BUB1B: variants seen among roughly 807,000 people sequenced by gnomAD.
The protein encoded by BUB1B is BUB1 mitotic checkpoint serine/threonine kinase B.
BUB1B carries 86 observed loss-of-function variants against 137.7 expected under a neutral mutation model. The ratio of observed to expected loss-of-function variants is 0.62; its 90% CI spans 0.52 to 0.75. BUB1B has a LOEUF of 0.75. Among genes scored for constraint, BUB1B ranks in the 30% least tolerant of loss-of-function variants. The probability of loss-of-function intolerance (pLI) is 0.00; values close to 1 mark genes in which losing one functional copy is unlikely to be tolerated. For synonymous variants in BUB1B, 420 were observed against 417.9 expected (o/e 1.00, Z -0.06); for missense variants, 1,130 against 1,236.9 (o/e 0.91, Z 1.30).
chr15:40,220,810 G>T lies in BUB1B; in HGVS notation c.*51G>T. Reference sequence around the variant, plus strand: ...GCTGCCTCAGAGCAATGGTTGTATTGTGGAACACTGAAACTGTATGTGCTG... The same window carrying T: ...GCTGCCTCAGAGCAATGGTTGTATTTTGGAACACTGAAACTGTATGTGCTG... On this transcript the variant is annotated 3_prime_UTR_variant, in exon 23 of 23. Coordinates refer to ENST00000287598, the MANE Select transcript of BUB1B (RefSeq NM_001211.6). 1 of 1,550,306 alleles carries T rather than the reference G, an allele frequency of 6.5e-7. No individual in the cohort carries two copies. The highest frequency in any genetic ancestry group is 8.9e-7 in the Non-Finnish European group (1 of 1,122,224).
At chr15:40,190,134 A>G (rs1321539007) in intron 8 of BUB1B, among the ~76,000 whole-genome samples, 1 of 152,170 alleles carries the variant, frequency 6.6e-6, no homozygotes, top group East Asian at 1.9e-4. Flanking sequence ...CAAACCATTT[A>G]TATACTATGT....
At chr15:40,216,715 G>A (rs2037797272) in intron 20 of BUB1B, among the ~76,000 whole-genome samples, 1 of 151,328 alleles carries the variant, frequency 6.6e-6, no homozygotes, top group African/African-American at 2.4e-5. Context: ...AATTGGAGTA[G>A]TTAAAGACTG....
At chr15:40,173,936 GA>G in intron 4 of BUB1B, 1 of 434,192 alleles carries the variant, frequency 2.3e-6, no homozygotes, top group Non-Finnish European at 4.6e-6. Context: ...TCTAGCTAAG[GA>G]AAAAATTGTT....
At position 40,170,080 on chromosome 15, in the gene BUB1B, T is replaced by A. The variant is rs2037144181; in HGVS notation, c.198T>A (p.Ile66=). 1 of 1,613,986 alleles carries A rather than the reference T, an allele frequency of 6.2e-7. No homozygotes were observed. Among genetic ancestry groups the A allele is most frequent in the African/African-American group, 1.3e-5 (1 of 75,042 alleles). Residue 66 remains isoleucine (I), a synonymous_variant, in exon 3 of 23, where the codon ATT becomes ATA. Transcript: ENST00000287598. Reference sequence around the variant, plus strand: ...ATTTCAGGGCATTTGAATATGAAATTCGATTTTACACTGGAAATGACCCTC... The same window carrying A: ...ATTTCAGGGCATTTGAATATGAAATACGATTTTACACTGGAAATGACCCTC... ...QQQKRAFEYE[I]RFYTGNDPLD...
At chr15:40,220,149 C>T (rs948790558) in intron 22 of BUB1B, among the ~76,000 whole-genome samples, 1 of 152,144 alleles carries the variant, frequency 6.6e-6, no homozygotes, top group African/African-American at 2.4e-5. Context: ...TTAGTTTAGT[C>T]AAGCTTACGA....
chr15:40,162,327 T>G (rs1469646253), intron 1 of BUB1B, among the ~76,000 whole-genome samples: 3 of 152,202 alleles, frequency 2.0e-5, no homozygotes, highest in Non-Finnish European at 2.9e-5. Flanking sequence ...ATGGTGAAGA[T>G]GCAGATTGTA....
chr15:40,161,085 C>A lies in BUB1B; in HGVS notation c.-136C>A. The stretch of plus-strand genomic sequence containing the variant: ...GCTAGGGGTGTGGGCTTGAGGTGGC[C>A]GGTTTGTTAGGGAGTCGTGTACGTG... On this transcript the variant is annotated 5_prime_UTR_variant, in exon 1 of 23. Transcript: ENST00000287598. The A allele has an allele frequency of 3.4e-6, 4 of 1,193,356 alleles. No homozygotes were observed. Among genetic ancestry groups the A allele is most frequent in the Non-Finnish European group, 2.3e-6 (2 of 853,040 alleles). The allele number at this position is 1,193,356 out of a possible 1,614,324, so 73.9% of individuals were successfully genotyped here.
At chr15:40,165,721 T>C (rs942905056) in intron 2 of BUB1B, among the ~76,000 whole-genome samples, 4 of 152,056 alleles carry the variant, frequency 2.6e-5, no homozygotes, top group Non-Finnish European at 5.9e-5. Flanking sequence ...AATATGCTTT[T>C]TAAAAAAAAA....
At chr15:40,211,170 G>C (rs2037706001) in intron 18 of BUB1B, among the ~76,000 whole-genome samples, 1 of 151,670 alleles carries the variant, frequency 6.6e-6, no homozygotes. Context: ...TATATTATCA[G>C]CTTAATATTT....
At chr15:40,201,080 C>T (rs984991325) in intron 12 of BUB1B, 100 bp downstream of exon 12, 1 of 1,105,602 alleles carries the variant, frequency 9.0e-7, no homozygotes, top group Non-Finnish European at 1.4e-6. Flanking sequence ...GATTGAAAGA[C>T]AGGGGGACTA....
At chr15:40,209,827 T>A (rs1310666086) in intron 17 of BUB1B, 52 bp downstream of exon 17, 1 of 1,585,096 alleles carries the variant, frequency 6.3e-7, no homozygotes, top group Admixed American at 1.7e-5. Flanking sequence ...TACAAATAAG[T>A]GATTATTTGT....
chr15:40,167,324 T>C (rs2037111484), intron 2 of BUB1B, among the ~76,000 whole-genome samples: 1 of 151,066 alleles, frequency 6.6e-6, no homozygotes, highest in Non-Finnish European at 1.5e-5. Context: ...ATGTTTTCTT[T>C]TACTAGCTTC....
chr15:40,207,449 A>G (rs1229352149), intron 15 of BUB1B, among the ~76,000 whole-genome samples: 1 of 151,978 alleles, frequency 6.6e-6, no homozygotes, highest in Non-Finnish European at 1.5e-5. Context: ...CTTTTTTTTG[A>G]AACTTTTTCC....
chr15:40,206,769 T>C (rs1181916294), intron 15 of BUB1B, among the ~76,000 whole-genome samples: 2 of 152,146 alleles, frequency 1.3e-5, no homozygotes, highest in Admixed American at 1.3e-4. Context: ...TTCTTTAATA[T>C]TGAGTTTAAA....
chr15:40,180,537 A>T (rs2037276480), intron 5 of BUB1B, among the ~76,000 whole-genome samples: 1 of 150,326 alleles, frequency 6.7e-6, no homozygotes, highest in Non-Finnish European at 1.5e-5. Context: ...AAGTGCTGGG[A>T]TTACAGGCAT....
At chr15:40,211,669 C>T (rs1204330449) in intron 18 of BUB1B, among the ~76,000 whole-genome samples, 1 of 152,104 alleles carries the variant, frequency 6.6e-6, no homozygotes, top group Non-Finnish European at 1.5e-5. Context: ...TTTCTACCCC[C>T]CTCAGTGGTG....
At chr15:40,209,158 G>A (rs910179968) in intron 16 of BUB1B, among the ~76,000 whole-genome samples, 1 of 152,104 alleles carries the variant, frequency 6.6e-6, no homozygotes, top group African/African-American at 2.4e-5. Flanking sequence ...GGTGGCTCAC[G>A]CCTGTAATCC....
chr15:40,211,775 G>C (rs2037714992), intron 18 of BUB1B, among the ~76,000 whole-genome samples: 1 of 151,800 alleles, frequency 6.6e-6, no homozygotes, highest in African/African-American at 2.4e-5. Flanking sequence ...TGCTGGGCTG[G>C]GCTATGGGAG....
At chr15:40,205,692 G>T (rs1009230032) in intron 14 of BUB1B, among the ~76,000 whole-genome samples, 4 of 152,140 alleles carry the variant, frequency 2.6e-5, no homozygotes, top group African/African-American at 9.7e-5. Context: ...CAAAAAGTAT[G>T]AGAAAGAGCA....
Sources: allele counts gnomAD v4.1 joint callset (sites outside exome capture counted in the v4.1 genomes callset), GRCh38; gene constraint gnomAD v4.1.1; transcripts MANE v1.5; gene names NCBI Gene and HGNC (gene_info 2026-07-23, HGNC 2026-07-21).